The following PALD1 variants were observed in gnomAD, a reference collection of about 807,000 sequenced individuals.
PALD1 encodes paladin.
In PALD1, 57 loss-of-function variants were observed where a neutral mutation model predicts 96.0. That is an observed-to-expected ratio of 0.59 (90% CI 0.48 to 0.74). The LOEUF (loss-of-function observed/expected upper bound fraction) is 0.74, where lower values mean the gene tolerates loss of function less well. Among genes scored for constraint, PALD1 ranks in the 30% least tolerant of loss-of-function variants. The pLI is 0.00. For missense variants in PALD1, 1,063 were observed against 1,143.7 expected (o/e 0.93, Z 1.02); for synonymous variants, 464 against 473.6 (o/e 0.98, Z 0.26).
At chr10:70,466,920 C>G in the PALD1 span, among the ~76,000 whole-genome samples, 11 of 152,200 alleles carry the variant, frequency 7.2e-5, no homozygotes, top group African/African-American at 2.7e-4. Context: ...CCAGCCCCAC[C>G]GTCCTGGCCT....
chr10:70,468,336 C>T, the PALD1 span, among the ~76,000 whole-genome samples: 5 of 152,044 alleles, frequency 3.3e-5, no homozygotes, highest in Admixed American at 1.3e-4. Flanking sequence ...CTTCACCTCC[C>T]GGGTTCAAAC....
intron 1 of PALD1, among the ~76,000 whole-genome samples, chr10:70,498,224 A>G (rs1391248903): frequency 6.6e-6 from 1 of 152,170 alleles, no homozygotes; most frequent in Admixed American, 6.5e-5. Flanking sequence ...CTCAAGGTTC[A>G]TCCGTATTGT....
chr10:70,554,964 TC>T (rs1485566397), intron 18 of PALD1, among the ~76,000 whole-genome samples: 1 of 162 alleles, frequency 6.2e-3, no homozygotes. Context: ...CCCCCTCCCC[TC>T]CCCCTCCTCC....
chr10:70,554,249 T>G (rs11591394), intron 18 of PALD1, among the ~76,000 whole-genome samples: 54,237 of 151,964 alleles, frequency 0.36, 10,139 homozygotes, highest in Middle Eastern at 0.43. Context: ...GCCAACATGG[T>G]GAAACCCTGT....
Position 70,539,542 on chromosome 10 carries a change from C to T in PALD1, c.1726-38C>T. 2 of 1,545,760 alleles carry T rather than the reference C, an allele frequency of 1.3e-6. No homozygotes were observed. Among genetic ancestry groups the T allele is most frequent in the South Asian group, 1.2e-5 (1 of 85,078 alleles). Reference sequence around the variant, plus strand: ...CCTTTCAGGGCTAGCCTAGAGCCTGCCCCAGTGGCCTGTGTCCTCCCTCCT... The same window carrying T: ...CCTTTCAGGGCTAGCCTAGAGCCTGTCCCAGTGGCCTGTGTCCTCCCTCCT... On this transcript the variant is annotated intron_variant, in intron 14 of 19. Coordinates refer to ENST00000263563, the MANE Select transcript of PALD1 (RefSeq NM_014431.3). This position sits in a 1 kb window ranked among gnomAD's most constrained non-coding sequence, Gnocchi z 4.5.
chr10:70,563,032 C>A (rs564520912), intron 18 of PALD1, among the ~76,000 whole-genome samples: 1 of 152,236 alleles, frequency 6.6e-6, no homozygotes, highest in Admixed American at 6.5e-5. Context: ...TAACGTGTAA[C>A]CTTAGCTATA....
At chr10:70,552,536 G>A (rs1426225014) in intron 18 of PALD1, among the ~76,000 whole-genome samples, 2 of 152,142 alleles carry the variant, frequency 1.3e-5, no homozygotes, top group Non-Finnish European at 2.9e-5. Context: ...GCCCTCATGT[G>A]CCCACCTCCC....
At chr10:70,507,563 A>T (rs1185182154) in intron 1 of PALD1, among the ~76,000 whole-genome samples, 2 of 152,184 alleles carry the variant, frequency 1.3e-5, no homozygotes, top group African/African-American at 2.4e-5. Flanking sequence ...CTGGGACCGA[A>T]GGTGTGCACC....
upstream of PALD1, among the ~76,000 whole-genome samples, chr10:70,478,213 G>T (rs951638423): frequency 2.6e-5 from 4 of 152,214 alleles, no homozygotes; most frequent in Non-Finnish European, 4.4e-5. Context: ...CCCCTGCTTG[G>T]GGGGACCGTC....
At chr10:70,473,227 C>T in the PALD1 span, among the ~76,000 whole-genome samples, 1,630 of 152,330 alleles carry the variant, frequency 0.011, 40 homozygotes, top group African/African-American at 0.038. Flanking sequence ...CACCCTGGCC[C>T]CACCCCGACT....
At chr10:70,471,931 A>G in the PALD1 span, among the ~76,000 whole-genome samples, 6 of 152,168 alleles carry the variant, frequency 3.9e-5, no homozygotes, top group African/African-American at 1.4e-4. Context: ...CTGGCCAGTG[A>G]CCTTCCCAAG....
Position 70,539,873 on chromosome 10 carries a change from C to G in PALD1, c.1908+111C>G. The G allele has an allele frequency of 1.1e-6, 1 of 921,992 alleles. No individual in the cohort carries two copies. The highest frequency in any genetic ancestry group is 2.7e-5 in the East Asian group (1 of 37,326). 57.1% of individuals were successfully genotyped at this position (921,992 alleles called of 1,614,324 possible). A position where few individuals can be genotyped will look rare whatever the true frequency, so the allele number is the denominator to read the frequency against. On this transcript the variant is annotated intron_variant, in intron 15 of 19. Transcript: ENST00000263563. This position sits in a 1 kb window ranked among gnomAD's most constrained non-coding sequence, Gnocchi z 4.5. Reference sequence around the variant, plus strand: ...AACGACCCCAGCTTCTCTACGGGGCCCGGGAATGGTCTCACGAGGTTTTCC... The same window carrying G: ...AACGACCCCAGCTTCTCTACGGGGCGCGGGAATGGTCTCACGAGGTTTTCC...
chr10:70,483,139 G>A (rs1381125980), intron 1 of PALD1, among the ~76,000 whole-genome samples: 1 of 152,062 alleles, frequency 6.6e-6, no homozygotes, highest in African/African-American at 2.4e-5. Context: ...GAGCCTGAGG[G>A]AGGGAATGGC....
intron 1 of PALD1, among the ~76,000 whole-genome samples, chr10:70,490,986 G>A (rs1278932830): frequency 3.3e-5 from 5 of 151,712 alleles, no homozygotes; most frequent in Non-Finnish European, 5.9e-5. Flanking sequence ...ACAGAGTCTC[G>A]CTCTGTCGCC....
In PALD1 at chr10:70,532,683, G is replaced by T; in HGVS notation, c.696G>T (p.Leu232=). The T allele has an allele frequency of 1.2e-6, 2 of 1,614,212 alleles. No homozygotes were observed. Among genetic ancestry groups the T allele is most frequent in the South Asian group, 1.1e-5 (1 of 91,080 alleles). ...ATGTGTACCATAACACCGAGGACCT[G>T]TGGGGGGAGCCCCATGCTGTGGCCA... The part of the protein sequence containing the change: ...TYHVYHNTED[L]WGEPHAVAIH... Residue 232 remains leucine, a synonymous_variant, in exon 6 of 20, where the codon CTG becomes CTT. Coordinates refer to ENST00000263563, the MANE Select transcript of PALD1 (RefSeq NM_014431.3).
chr10:70,545,892 T>G (rs931390076), intron 17 of PALD1, among the ~76,000 whole-genome samples: 2 of 152,120 alleles, frequency 1.3e-5, no homozygotes, highest in Non-Finnish European at 2.9e-5. Context: ...GTTTTATAGA[T>G]CAAAGTTCTG....
Position 70,533,967 on chromosome 10 carries a change from C to T in PALD1, c.916C>T (p.Pro306Ser). Residue 306 changes from proline (P) to serine (S), a missense_variant, in exon 8 of 20, where the codon CCA becomes TCA. By Grantham distance (74) the Pro-to-Ser change is moderately conservative. Transcript: ENST00000263563. ...LQLRDAHGPP[P>S]ALVFSCQMGV... is the part of the protein sequence containing the mutation. ...GCTCCGTGATGCCCACGGGCCTCCC[C>T]CAGCCCTCGTCTTCAGCTGCCAGAT... is the stretch of plus-strand genomic sequence containing the variant. 1.9e-6 allele frequency: 3 copies of T among 1,613,264 alleles called. No individual in the cohort carries two copies. Among genetic ancestry groups the T allele is most frequent in the Non-Finnish European group, 2.5e-6 (3 of 1,179,606 alleles).
intron 1 of PALD1, among the ~76,000 whole-genome samples, chr10:70,511,050 G>A (rs1243816327): frequency 6.6e-6 from 1 of 152,200 alleles, no homozygotes; most frequent in African/African-American, 2.4e-5. Context: ...AGCCCACAGT[G>A]TAGCCTGGCT....
chr10:70,530,625 C>T (rs1846972608), intron 4 of PALD1, among the ~76,000 whole-genome samples: 1 of 152,106 alleles, frequency 6.6e-6, no homozygotes, highest in South Asian at 2.1e-4. Flanking sequence ...TTGCGTGTCC[C>T]TAGGACACAG....
Sources: allele counts gnomAD v4.1 joint callset (sites outside exome capture counted in the v4.1 genomes callset), GRCh38; gene constraint gnomAD v4.1.1; non-coding constraint Gnocchi (gnomAD v3.1); transcripts MANE v1.5; gene names NCBI Gene and HGNC (gene_info 2026-07-23, HGNC 2026-07-21).